Variants in TSPAN15 observed in about 807,000 individuals in gnomAD.
The protein encoded by TSPAN15 is tetraspanin-15.
TSPAN15 carries 20 observed loss-of-function variants against 34.5 expected under a neutral mutation model. The observed-to-expected ratio is 0.58, with a 90% CI of 0.41 to 0.84. The LOEUF (loss-of-function observed/expected upper bound fraction) is 0.84. Ranked by LOEUF, TSPAN15 falls within the 40% of genes least tolerant of loss-of-function variation. The pLI is 0.00. For synonymous variants in TSPAN15, 155 were observed against 153.9 expected (o/e 1.01, Z -0.05); for missense variants, 313 against 386.1 (o/e 0.81, Z 1.59).
intron 1 of TSPAN15, among the ~76,000 whole-genome samples, chr10:69,457,977 C>G (rs1841150997): frequency 6.6e-6 from 1 of 152,160 alleles, no homozygotes; most frequent in African/African-American, 2.4e-5. Context: ...TCTAGTGCAG[C>G]CTTTTAAATT....
the TSPAN15 span, among the ~76,000 whole-genome samples, chr10:69,543,818 G>A: frequency 1.3e-5 from 2 of 151,094 alleles, no homozygotes; most frequent in African/African-American, 4.9e-5. Context: ...GGGAGGAGAA[G>A]AGGGGGAGAG....
chr10:69,457,992 G>C (rs796532939), intron 1 of TSPAN15, among the ~76,000 whole-genome samples: 1 of 152,170 alleles, frequency 6.6e-6, no homozygotes, highest in East Asian at 1.9e-4. Flanking sequence ...TAAATTTACC[G>C]ATAAGAAATC....
chr10:69,483,944 T>C (rs1841794113), intron 2 of TSPAN15, 68 bp downstream of exon 2: 1 of 1,520,550 alleles, frequency 6.6e-7, no homozygotes, highest in East Asian at 2.3e-5. Flanking sequence ...CCCTGTGCCC[T>C]TGGGCAGCTC....
At chr10:69,492,232 C>G (rs1310682655) in intron 3 of TSPAN15, among the ~76,000 whole-genome samples, 1 of 152,134 alleles carries the variant, frequency 6.6e-6, no homozygotes, top group Admixed American at 6.5e-5. Flanking sequence ...TCTCTCTTCC[C>G]TGTCCTCTGA....
At chr10:69,501,015 G>A (rs889746181) in intron 5 of TSPAN15, among the ~76,000 whole-genome samples, 4 of 152,150 alleles carry the variant, frequency 2.6e-5, no homozygotes, top group Admixed American at 2.0e-4. Context: ...GGATTTGCTC[G>A]CATAGCAGAT....
intron 1 of TSPAN15, among the ~76,000 whole-genome samples, chr10:69,468,383 G>A (rs1564601795): frequency 6.6e-6 from 1 of 152,102 alleles, no homozygotes; most frequent in Non-Finnish European, 1.5e-5. Context: ...TTGTTCCTTG[G>A]TTCTGATGCT....
intron 6 of TSPAN15, 184 bp from the exon 7 acceptor site, chr10:69,505,940 C>G: frequency 1.9e-6 from 1 of 527,792 alleles, no homozygotes; most frequent in Non-Finnish European, 3.3e-6. Context: ...CCAGTCCTCT[C>G]TAGAGAACAG....
At chr10:69,485,762 C>G (rs1303623541) in intron 3 of TSPAN15, among the ~76,000 whole-genome samples, 1 of 116,436 alleles carries the variant, frequency 8.6e-6, no homozygotes, top group Non-Finnish European at 1.8e-5. Flanking sequence ...CACAGGGGCC[C>G]AACTGGGAGG....
intron 4 of TSPAN15, among the ~76,000 whole-genome samples, chr10:69,496,388 GCTGCTGTC>G (rs1842085775): frequency 6.6e-6 from 1 of 151,230 alleles, no homozygotes; most frequent in Non-Finnish European, 1.5e-5. Context: ...GGTAGGGCCA[GCTGCTGTC>G]CTGGGTGGCT....
the TSPAN15 span, among the ~76,000 whole-genome samples, chr10:69,524,441 G>A: frequency 6.8e-6 from 1 of 147,482 alleles, no homozygotes; most frequent in African/African-American, 2.5e-5. Context: ...ACTCCAGCCT[G>A]GGTGACAGAG....
chr10:69,518,926 G>A, the TSPAN15 span, among the ~76,000 whole-genome samples: 8,036 of 152,270 alleles, frequency 0.053, 304 homozygotes, highest in Non-Finnish European at 0.076. Flanking sequence ...CCACAGATGA[G>A]CCCTAGAGAC....
intron 1 of TSPAN15, 38 bp downstream of exon 1, chr10:69,451,728 G>A (rs1316327826): frequency 3.6e-6 from 5 of 1,398,622 alleles, no homozygotes; most frequent in South Asian, 1.6e-5. Context: ...TGGGGGTGGG[G>A]ACCCACAATC....
the TSPAN15 span, among the ~76,000 whole-genome samples, chr10:69,549,055 A>G: frequency 0.021 from 3,253 of 151,960 alleles, 99 homozygotes; most frequent in African/African-American, 0.069. Flanking sequence ...TTAATGGAAT[A>G]CAATAAAATC....
the TSPAN15 span, among the ~76,000 whole-genome samples, chr10:69,514,151 A>G: frequency 6.6e-6 from 1 of 152,242 alleles, no homozygotes; most frequent in Non-Finnish European, 1.5e-5. Flanking sequence ...TGCATATTTT[A>G]GAATTTGCGA....
At chr10:69,510,981 A>G (rs1260837984), downstream of TSPAN15, among the ~76,000 whole-genome samples, 3 of 152,174 alleles carry the variant, frequency 2.0e-5, no homozygotes, top group Non-Finnish European at 4.4e-5. Flanking sequence ...GTTTGCCAGT[A>G]TTTTATTGAG....
intron 1 of TSPAN15, among the ~76,000 whole-genome samples, chr10:69,475,603 T>C (rs899774129): frequency 1.3e-5 from 2 of 152,200 alleles, no homozygotes; most frequent in Non-Finnish European, 2.9e-5. Context: ...CTCTCTGCCC[T>C]GGCTGGATTG....
chr10:69,517,605 G>T, the TSPAN15 span, among the ~76,000 whole-genome samples: 2 of 152,190 alleles, frequency 1.3e-5, no homozygotes, highest in Non-Finnish European at 2.9e-5. Flanking sequence ...CAGGACACAG[G>T]TTCCACCACA....
At chr10:69,536,464 C>T in the TSPAN15 span, among the ~76,000 whole-genome samples, 2 of 152,178 alleles carry the variant, frequency 1.3e-5, no homozygotes, top group Non-Finnish European at 2.9e-5. Context: ...AGAGATGGTA[C>T]AGTGGGTGTA....
chr10:69,545,598 T>C, the TSPAN15 span, among the ~76,000 whole-genome samples: 420 of 152,198 alleles, frequency 2.8e-3, 4 homozygotes, highest in African/African-American at 9.7e-3. Flanking sequence ...CCTAAACACC[T>C]AAGGGATTAA....
Sources: gnomAD v4.1 joint callset for allele counts (sites outside exome capture counted in the v4.1 genomes callset) on GRCh38, gnomAD v4.1.1 for gene constraint, MANE v1.5 for transcripts, NCBI Gene and HGNC (gene_info 2026-07-23, HGNC 2026-07-21) for gene names.